The following STX8 variants were observed in gnomAD, a reference collection of about 807,000 sequenced individuals.
STX8 encodes the protein syntaxin 8.
Under a neutral mutation model 37.5 loss-of-function variants are expected in STX8, and 23 were observed. The ratio of observed to expected loss-of-function variants is 0.61; its 90% CI spans 0.44 to 0.87. The LOEUF (loss-of-function observed/expected upper bound fraction) is 0.87. STX8 is among the 40% of genes least tolerant of loss of function. The pLI is 0.00. For synonymous variants in STX8, 115 were observed against 99.1 expected (o/e 1.16, Z -0.95); for missense variants, 313 against 284.7 (o/e 1.10, Z -0.71).
chr17:9,537,416 G>A (rs1375501931), intron 4 of STX8, among the ~76,000 whole-genome samples: 1 of 152,204 alleles, frequency 6.6e-6, no homozygotes, highest in Non-Finnish European at 1.5e-5. Context: ...CAGGGAACAC[G>A]CACGCCTTGT....
intron 2 of STX8, among the ~76,000 whole-genome samples, chr17:9,564,369 G>A (rs1401648043): frequency 1.3e-5 from 2 of 151,682 alleles, no homozygotes; most frequent in Non-Finnish European, 2.9e-5. Context: ...AGAGAGGAAG[G>A]AAGGAAGGAA....
At chr17:9,288,140 CAAAAAA>C (rs60385667) in intron 7 of STX8, among the ~76,000 whole-genome samples, 55 of 61,534 alleles carry the variant, frequency 8.9e-4, no homozygotes, top group Non-Finnish European at 1.4e-3. Flanking sequence ...AACAAACAAA[CAAAAAA>C]AAAAAAAACC....
intron 4 of STX8, among the ~76,000 whole-genome samples, chr17:9,524,813 GTTT>G (rs11403311): frequency 2.1e-5 from 3 of 145,180 alleles, no homozygotes; most frequent in African/African-American, 7.6e-5. Context: ...GTCTCACTCT[GTTT>G]TTTTTTTTTG....
chr17:9,286,309 G>A (rs189251682), intron 7 of STX8, among the ~76,000 whole-genome samples: 2 of 152,204 alleles, frequency 1.3e-5, no homozygotes, highest in Non-Finnish European at 2.9e-5. Flanking sequence ...CACATACGCC[G>A]ATCTTTGACT....
intron 7 of STX8, among the ~76,000 whole-genome samples, chr17:9,292,807 T>C (rs1198452139): frequency 6.6e-6 from 1 of 152,188 alleles, no homozygotes; most frequent in East Asian, 1.9e-4. Context: ...GAATGCTCTC[T>C]GGCTGTTTCT....
chr17:9,418,817 A>C, intron 6 of STX8, among the ~76,000 whole-genome samples: 1 of 98,442 alleles, frequency 1.0e-5, no homozygotes, highest in African/African-American at 3.9e-5. Context: ...ACAGAGCAAG[A>C]CTCCGTCTCA....
Position 9,546,590 on chromosome 17 carries a change from GGTTTTT to G in STX8, c.213-1314_213-1309del, listed in dbSNP as rs1261960698. On this transcript the variant is annotated intron_variant, in intron 3 of 7. Transcript: ENST00000306357. ...CTTTCTTGATGCAAACTACAAAAGT[GGTTTTT>G]TTTTTTTTTTTTTTTTTTTGGAGAC... 1.6e-3 allele frequency among the ~76,000 whole-genome samples: 98 copies of G among 62,236 alleles called. 2 individuals carry two copies. The South Asian group carries it at 0.031, about 19-fold the overall frequency. 40.8% of individuals were successfully genotyped at this position (62,236 alleles called of 152,430 possible).
Position 9,341,222 on chromosome 17 carries a change from G to A in STX8, c.643+37330C>T, listed in dbSNP as rs761534077. The stretch of plus-strand genomic sequence containing the variant: ...ATTGCTACCTGGCAACAATCACCTG[G>A]GGCTGACCTCTTGAGAGGGATGCTC... On this transcript the variant is annotated intron_variant, in intron 7 of 7. Transcript: ENST00000306357. Among the ~76,000 whole-genome samples, 177 of 151,894 alleles carry A rather than the reference G, an allele frequency of 1.2e-3. 3 individuals carry two copies. The highest frequency in any genetic ancestry group is 1.6e-3 in the Non-Finnish European group (112 of 67,958).
chr17:9,340,188 T>G (rs1048578788), intron 7 of STX8, among the ~76,000 whole-genome samples: 1 of 152,366 alleles, frequency 6.6e-6, no homozygotes, highest in African/African-American at 2.4e-5. Flanking sequence ...CAGTAACTCC[T>G]GTTTTCTCAG....
intron 7 of STX8, among the ~76,000 whole-genome samples, chr17:9,272,351 A>G (rs1317653652): frequency 6.6e-6 from 1 of 152,246 alleles, no homozygotes; most frequent in Non-Finnish European, 1.5e-5. Context: ...AGGACCAGAT[A>G]ACTACCCGGC....
intron 6 of STX8, among the ~76,000 whole-genome samples, chr17:9,488,059 G>A (rs1313685011): frequency 6.6e-6 from 1 of 152,130 alleles, no homozygotes; most frequent in Non-Finnish European, 1.5e-5. Context: ...GGGTGCAGTG[G>A]CTCATGCCTG....
chr17:9,374,086 ATTTT>A (rs571434433), intron 7 of STX8, among the ~76,000 whole-genome samples: 1 of 144,308 alleles, frequency 6.9e-6, no homozygotes, highest in Non-Finnish European at 1.5e-5. Context: ...ACCACAATTA[ATTTT>A]TTTTTTTTTT....
At chr17:9,374,390 T>C (rs9903002) in intron 7 of STX8, among the ~76,000 whole-genome samples, 1 of 152,052 alleles carries the variant, frequency 6.6e-6, no homozygotes, top group Non-Finnish European at 1.5e-5. Flanking sequence ...CCAAAAGAAA[T>C]TTTTTTAAAC....
intron 6 of STX8, among the ~76,000 whole-genome samples, chr17:9,419,554 A>ACCTCC (rs1360805655): frequency 6.6e-6 from 1 of 152,216 alleles, no homozygotes; most frequent in Non-Finnish European, 1.5e-5. Context: ...AAAAAGGACA[A>ACCTCC]CAAATGGGAG....
chr17:9,541,155 G>A (rs1322691796), intron 4 of STX8, among the ~76,000 whole-genome samples: 2 of 152,162 alleles, frequency 1.3e-5, no homozygotes, highest in Non-Finnish European at 2.9e-5. Flanking sequence ...GTTTAAGGAG[G>A]TTTCGGTGAA....
At chr17:9,421,558 C>T (rs1467022345) in intron 6 of STX8, among the ~76,000 whole-genome samples, 1 of 151,924 alleles carries the variant, frequency 6.6e-6, no homozygotes, top group Non-Finnish European at 1.5e-5. Context: ...CTTTCCCCTG[C>T]TCCTGGGAGT....
At chr17:9,278,784 G>A (rs1401679243) in intron 7 of STX8, among the ~76,000 whole-genome samples, 1 of 152,086 alleles carries the variant, frequency 6.6e-6, no homozygotes, top group Non-Finnish European at 1.5e-5. Flanking sequence ...GAGCAGGGGA[G>A]GGAGATCGGG....
chr17:9,368,373 G>A (rs979148179), intron 7 of STX8, among the ~76,000 whole-genome samples: 2 of 152,082 alleles, frequency 1.3e-5, no homozygotes, highest in African/African-American at 4.8e-5. Context: ...GCCTGGTGGG[G>A]GGTGCCTGCA....
intron 6 of STX8, among the ~76,000 whole-genome samples, chr17:9,452,869 T>C (rs1905086383): frequency 6.6e-6 from 1 of 151,842 alleles, no homozygotes; most frequent in Non-Finnish European, 1.5e-5. Context: ...TGCAGTGGCG[T>C]GATCTCGGCT....
Sources: gnomAD v4.1 joint callset for allele counts (sites outside exome capture counted in the v4.1 genomes callset) on GRCh38, gnomAD v4.1.1 for gene constraint, MANE v1.5 for transcripts, NCBI Gene and HGNC (gene_info 2026-07-23, HGNC 2026-07-21) for gene names.